Variants in RBFOX1 observed in about 807,000 individuals in gnomAD.
RBFOX1 encodes RNA binding fox-1 homolog 1, also known as RNA binding protein fox-1 homolog 1.
Under a neutral mutation model 57.7 loss-of-function variants are expected in RBFOX1, and 8 were observed. The observed-to-expected ratio is 0.14, with a 90% CI of 0.08 to 0.25. RBFOX1 has a LOEUF of 0.25. RBFOX1 is among the 10% of genes least tolerant of loss of function. RBFOX1 has a pLI of 1.00. For missense variants in RBFOX1, 611 were observed against 548.5 expected (o/e 1.11, Z -1.14); for synonymous variants, 326 against 222.4 (o/e 1.47, Z -4.15).
chr16:5,770,495 G>C (rs1391009208), intron 3 of RBFOX1, among the ~76,000 whole-genome samples: 1 of 152,128 alleles, frequency 6.6e-6, no homozygotes, highest in Admixed American at 6.5e-5. Flanking sequence ...CCCTTGTTTA[G>C]CATATAATTA....
At chr16:6,579,979 G>C (rs527993014) in intron 2 of RBFOX1, among the ~76,000 whole-genome samples, 2 of 151,826 alleles carry the variant, frequency 1.3e-5, no homozygotes, top group South Asian at 4.2e-4. Flanking sequence ...TCTTTTCTGA[G>C]ACAGAGTCTT....
rs1468500026 is a variant in RBFOX1 at position 6,912,591 on chromosome 16, TGC to T, written c.-15-139465_-15-139464del. On this transcript the variant is annotated intron_variant, in intron 3 of 15. Transcript: ENST00000550418. ...TTTTACTTTTTCTTTCTTGCTTTCT[TGC>T]TTTCTTTTCTTGTGTGTGTGTGTTA... is the stretch of plus-strand genomic sequence containing the variant. 8.1e-5 allele frequency among the ~76,000 whole-genome samples: 12 copies of T among 148,226 alleles called. No individual in the cohort carries two copies. The South Asian group carries it at 1.8e-3, about 22-fold the overall frequency.
chr16:5,478,271 A>G (rs2069402285), intron 2 of RBFOX1, among the ~76,000 whole-genome samples: 1 of 151,788 alleles, frequency 6.6e-6, no homozygotes, highest in South Asian at 2.1e-4. Context: ...ACATTGTCCG[A>G]TCCAAGCTGC....
intron 4 of RBFOX1, among the ~76,000 whole-genome samples, chr16:5,897,463 T>C (rs996150864): frequency 6.6e-6 from 1 of 152,210 alleles, no homozygotes; most frequent in African/African-American, 2.4e-5. Context: ...CACTACCTCA[T>C]GGGAAACATA....
intron 6 of RBFOX1, among the ~76,000 whole-genome samples, chr16:7,585,644 A>G (rs1235084020): frequency 6.6e-6 from 1 of 152,202 alleles, no homozygotes; most frequent in Non-Finnish European, 1.5e-5. Context: ...ACTTTGTCCC[A>G]TAGTCAGAAC....
chr16:7,680,819 A>T lies in RBFOX1; in HGVS notation c.995+3981A>T, dbSNP rs116520825. ...TCTGTTGTAATATGAAAATATACAT[A>T]TATCTACATAAATGTTACGTAGCTC... is the stretch of plus-strand genomic sequence containing the variant. On this transcript the variant is annotated intron_variant, in intron 14 of 15. Transcript: ENST00000550418. 3.2e-3 allele frequency among the ~76,000 whole-genome samples: 493 copies of T among 152,298 alleles called. 2 individuals are homozygous for T. Among genetic ancestry groups the T allele is most frequent in the African/African-American group, 0.011 (469 of 41,554 alleles).
chr16:5,729,636 C>G (rs59602725), intron 3 of RBFOX1, among the ~76,000 whole-genome samples: 3 of 152,074 alleles, frequency 2.0e-5, no homozygotes, highest in African/African-American at 4.8e-5. Flanking sequence ...ATCTCTTCCA[C>G]TAAAGGTCTC....
chr16:5,587,808 C>T (rs1187028322), intron 2 of RBFOX1, among the ~76,000 whole-genome samples: 1 of 152,176 alleles, frequency 6.6e-6, no homozygotes, highest in Admixed American at 6.5e-5. Context: ...GAGAGTTCCT[C>T]AAATATTAAG....
At chr16:7,080,430 C>A (rs901548805) in intron 4 of RBFOX1, among the ~76,000 whole-genome samples, 3 of 152,136 alleles carry the variant, frequency 2.0e-5, no homozygotes, top group Non-Finnish European at 4.4e-5. Flanking sequence ...GATTTCAGTG[C>A]CAAAGTAATG....
At chr16:7,066,795 G>A (rs1031856875) in intron 4 of RBFOX1, among the ~76,000 whole-genome samples, 1 of 152,134 alleles carries the variant, frequency 6.6e-6, no homozygotes, top group Non-Finnish European at 1.5e-5. Context: ...AAACACAAAG[G>A]TTTGGTTCAA....
At chr16:6,939,401 G>C (rs540961846) in intron 3 of RBFOX1, among the ~76,000 whole-genome samples, 2 of 150,572 alleles carry the variant, frequency 1.3e-5, no homozygotes, top group Non-Finnish European at 3.0e-5. Flanking sequence ...GTGTGTGTGT[G>C]TATATATATA....
intron 1 of RBFOX1, among the ~76,000 whole-genome samples, chr16:5,449,160 C>T (rs1475655294): frequency 6.6e-6 from 1 of 152,162 alleles, no homozygotes; most frequent in African/African-American, 2.4e-5. Context: ...GGGCCTGGAG[C>T]ATCCCCTGCC....
chr16:6,104,310 A>G (rs1041420345), intron 1 of RBFOX1, among the ~76,000 whole-genome samples: 35 of 152,166 alleles, frequency 2.3e-4, no homozygotes, highest in African/African-American at 7.2e-4. Flanking sequence ...AGTACTCTTT[A>G]TATTGCAATA....
Position 6,019,619 on chromosome 16 carries a change from G to C in RBFOX1, c.-500G>C, listed in dbSNP as rs955328772. The C allele has an allele frequency of 2.2e-5, 28 of 1,249,306 alleles. No homozygotes were observed. Among genetic ancestry groups the C allele is most frequent in the African/African-American group, 1.2e-4 (8 of 64,216 alleles). 77.4% of individuals were successfully genotyped at this position (1,249,306 alleles called of 1,614,324 possible). A position where few individuals can be genotyped will look rare whatever the true frequency, so the allele number is the denominator to read the frequency against. ...AGAAGGAAGGAGTGAGCCGAGCCGA[G>C]CACCCCACATCTGGAGGGGACAGCC... On this transcript the variant is annotated 5_prime_UTR_variant, in exon 1 of 16. Coordinates refer to ENST00000550418, the MANE Select transcript of RBFOX1 (RefSeq NM_018723.4). This position sits in a 1 kb window ranked among gnomAD's most constrained non-coding sequence, Gnocchi z 4.2.
At chr16:6,553,604 G>A (rs1356402049) in intron 2 of RBFOX1, among the ~76,000 whole-genome samples, 1 of 152,202 alleles carries the variant, frequency 6.6e-6, no homozygotes, top group Non-Finnish European at 1.5e-5. Context: ...AAGTTGCCAT[G>A]GAGGTGAGAG....
intron 3 of RBFOX1, among the ~76,000 whole-genome samples, chr16:5,810,940 G>T (rs2055402235): frequency 6.6e-6 from 1 of 152,020 alleles, no homozygotes; most frequent in African/African-American, 2.4e-5. Flanking sequence ...ATTGAGCTTT[G>T]CATATACTTG....
At chr16:7,284,018 C>T (rs1306635610) in intron 4 of RBFOX1, among the ~76,000 whole-genome samples, 2 of 152,304 alleles carry the variant, frequency 1.3e-5, no homozygotes, top group East Asian at 3.9e-4. Context: ...CCAGAATGTC[C>T]TACAAATGGA....
In RBFOX1 at chr16:7,576,097, T is replaced by TTC. The variant is rs5815411; in HGVS notation, c.271-3679_271-3678insCT. ...GCAGGCACATGGCCATGATCAGCTATTTTTTTTTTTTTTAATTTATTTAGT... is the reference window on the plus strand; with the variant it reads ...GCAGGCACATGGCCATGATCAGCTATTCTTTTTTTTTTTTTAATTTATTTAGT... On this transcript the variant is annotated intron_variant, in intron 5 of 15. Coordinates refer to ENST00000550418, the MANE Select transcript of RBFOX1 (RefSeq NM_018723.4). 2.4e-3 allele frequency among the ~76,000 whole-genome samples: 152 copies of TTC among 63,860 alleles called. 1 individual carries two copies. The highest frequency in any genetic ancestry group is 0.015 in the African/African-American group (121 of 8,052). 41.9% of individuals were successfully genotyped at this position (63,860 alleles called of 152,430 possible).
chr16:6,940,097 C>T (rs756606567), intron 3 of RBFOX1, among the ~76,000 whole-genome samples: 2 of 152,136 alleles, frequency 1.3e-5, no homozygotes, highest in Non-Finnish European at 2.9e-5. Flanking sequence ...GAGGCTGAGG[C>T]AGGAGAATCA....
Sources: gnomAD v4.1 joint callset for allele counts (sites outside exome capture counted in the v4.1 genomes callset) on GRCh38, gnomAD v4.1.1 for gene constraint, Gnocchi (gnomAD v3.1) non-coding constraint, MANE v1.5 for transcripts, NCBI Gene and HGNC (gene_info 2026-07-23, HGNC 2026-07-21) for gene names.